The following LTBP1 variants were observed in gnomAD, a reference collection of about 807,000 sequenced individuals.
The protein encoded by LTBP1 is latent transforming growth factor beta binding protein 1.
A neutral mutation model predicts 207.6 loss-of-function variants in LTBP1; 129 were observed. The ratio of observed to expected loss-of-function variants is 0.62; its 90% CI spans 0.54 to 0.72. The LOEUF (loss-of-function observed/expected upper bound fraction) is 0.72, where lower values mean the gene tolerates loss of function less well. Among genes scored for constraint, LTBP1 ranks in the 30% least tolerant of loss-of-function variants. LTBP1 has a pLI of 0.00. For missense variants in LTBP1, 2,281 were observed against 2,217.2 expected (o/e 1.03, Z -0.58); for synonymous variants, 963 against 833.7 (o/e 1.16, Z -2.67).
chr2:33,220,031 C>G (rs757354496), intron 8 of LTBP1, among the ~76,000 whole-genome samples: 10 of 152,058 alleles, frequency 6.6e-5, no homozygotes, highest in Non-Finnish European at 1.3e-4. Context: ...TCACTTTTAA[C>G]TAAATGTTGG....
chr2:33,098,517 C>T (rs1478039026), intron 3 of LTBP1, among the ~76,000 whole-genome samples: 1 of 152,136 alleles, frequency 6.6e-6, no homozygotes, highest in Non-Finnish European at 1.5e-5. Flanking sequence ...ACTGCAACTT[C>T]TGCCTCCTGA....
chr2:32,981,173 G>GTC (rs1195092638), intron 2 of LTBP1, among the ~76,000 whole-genome samples: 1 of 152,018 alleles, frequency 6.6e-6, no homozygotes, highest in African/African-American at 2.4e-5. Flanking sequence ...TTCTACCCCA[G>GTC]TCTCTCTCTC....
intron 7 of LTBP1, among the ~76,000 whole-genome samples, chr2:33,195,673 G>T (rs1266646901): frequency 6.6e-6 from 1 of 152,188 alleles, no homozygotes. Context: ...GACAACAATG[G>T]ATTTAGAATA....
At chr2:33,225,369 A>G (rs1419672761) in intron 9 of LTBP1, among the ~76,000 whole-genome samples, 1 of 152,228 alleles carries the variant, frequency 6.6e-6, no homozygotes, top group Admixed American at 6.5e-5. Context: ...TGAAAAAGAC[A>G]TACCCGAGAC....
intron 5 of LTBP1, among the ~76,000 whole-genome samples, chr2:33,185,191 T>C (rs2087064342): frequency 6.6e-6 from 1 of 152,128 alleles, no homozygotes; most frequent in South Asian, 2.1e-4. Flanking sequence ...GAGGTAAGAT[T>C]GCTAAGTGTG....
At chr2:33,198,888 C>T (rs2088873356) in intron 7 of LTBP1, among the ~76,000 whole-genome samples, 1 of 152,116 alleles carries the variant, frequency 6.6e-6, no homozygotes, top group African/African-American at 2.4e-5. Context: ...TTTTTTGTGT[C>T]TCTATTTCTT....
chr2:33,276,994 A>G (rs746726765), intron 18 of LTBP1, among the ~76,000 whole-genome samples: 1 of 152,186 alleles, frequency 6.6e-6, no homozygotes, highest in African/African-American at 2.4e-5. Flanking sequence ...GCACGGGAGC[A>G]TGGTGCTGGT....
intron 19 of LTBP1, among the ~76,000 whole-genome samples, chr2:33,282,978 G>A (rs145246503): frequency 0.01 from 1,519 of 149,000 alleles, 28 homozygotes; most frequent in African/African-American, 0.036. Context: ...CAGGAGAATC[G>A]CTTGAACCTG....
At chr2:33,304,206 C>T (rs1182072176) in intron 22 of LTBP1, among the ~76,000 whole-genome samples, 2 of 152,164 alleles carry the variant, frequency 1.3e-5, no homozygotes, top group African/African-American at 2.4e-5. Flanking sequence ...GGACTAGTTT[C>T]TCTAGTGTAC....
chr2:33,038,633 T>G (rs1332483285), intron 3 of LTBP1, among the ~76,000 whole-genome samples: 1 of 152,222 alleles, frequency 6.6e-6, no homozygotes, highest in Non-Finnish European at 1.5e-5. Context: ...ATCCTCTGTT[T>G]TGCCAGAATT....
intron 23 of LTBP1, among the ~76,000 whole-genome samples, chr2:33,312,373 A>G (rs1431660111): frequency 6.6e-6 from 1 of 152,218 alleles, no homozygotes; most frequent in African/African-American, 2.4e-5. Context: ...TTTCTTTCCC[A>G]TACAAAACTA....
chr2:33,068,664 G>T (rs542258899), intron 3 of LTBP1, among the ~76,000 whole-genome samples: 14 of 152,228 alleles, frequency 9.2e-5, no homozygotes, highest in South Asian at 6.2e-4. Flanking sequence ...ATTTGCAGTT[G>T]ATTTTGATGA....
intron 7 of LTBP1, among the ~76,000 whole-genome samples, chr2:33,213,868 T>C (rs927669999): frequency 6.6e-6 from 1 of 152,214 alleles, no homozygotes; most frequent in Non-Finnish European, 1.5e-5. Flanking sequence ...TTGGATGGCT[T>C]ATGCTGCTCT....
chr2:33,341,978 A>G (rs1195895616), intron 24 of LTBP1, among the ~76,000 whole-genome samples: 1 of 151,994 alleles, frequency 6.6e-6, no homozygotes, highest in African/African-American at 2.4e-5. Context: ...TGACTGTTAA[A>G]TCCAGGGGCA....
chr2:33,236,045 A>C (rs965501836), intron 9 of LTBP1, among the ~76,000 whole-genome samples: 1 of 152,184 alleles, frequency 6.6e-6, no homozygotes, highest in Non-Finnish European at 1.5e-5. Context: ...AAGAACTTAA[A>C]TATAATTTTT....
intron 22 of LTBP1, among the ~76,000 whole-genome samples, chr2:33,305,937 C>T (rs2094082911): frequency 6.6e-6 from 1 of 152,142 alleles, no homozygotes; most frequent in Non-Finnish European, 1.5e-5. Context: ...TTGGTGACCT[C>T]AACAAGCTCA....
At chr2:33,276,626 G>A (rs1474254305) in intron 18 of LTBP1, among the ~76,000 whole-genome samples, 2 of 152,168 alleles carry the variant, frequency 1.3e-5, no homozygotes, top group East Asian at 1.9e-4. Flanking sequence ...TGAAGCGGGT[G>A]GATCACTTGA....
Position 33,222,108 on chromosome 2 carries a change from A to G in LTBP1, c.1833A>G (p.Glu611=). 4 of 1,613,000 alleles carry G rather than the reference A, an allele frequency of 2.5e-6. No individual in the cohort carries two copies. Among genetic ancestry groups the G allele is most frequent in the Non-Finnish European group, 3.4e-6 (4 of 1,178,930 alleles). Residue 611 remains glutamate, a synonymous_variant, in exon 9 of 34, where the codon GAA becomes GAG. Coordinates refer to ENST00000404816, the MANE Select transcript of LTBP1 (RefSeq NM_206943.4). ...PSYHGYNQMM[E]CLPGYKRVNN... is the part of the protein sequence containing the mutation. Reference sequence around the variant, plus strand: ...ATCATGGATACAACCAAATGATGGAATGCCTACCGGGTTATAAGCGGGTTA... The same window carrying G: ...ATCATGGATACAACCAAATGATGGAGTGCCTACCGGGTTATAAGCGGGTTA...
intron 3 of LTBP1, among the ~76,000 whole-genome samples, chr2:33,065,135 A>C (rs2077444867): frequency 6.6e-6 from 1 of 152,174 alleles, no homozygotes; most frequent in Non-Finnish European, 1.5e-5. Context: ...TATTTGCCAG[A>C]TGCATTTTCT....
Sources: allele counts gnomAD v4.1 joint callset (sites outside exome capture counted in the v4.1 genomes callset), GRCh38; gene constraint gnomAD v4.1.1; transcripts MANE v1.5; gene names NCBI Gene and HGNC (gene_info 2026-07-23, HGNC 2026-07-21).